The following SBNO2 variants were observed in gnomAD, a reference collection of about 807,000 sequenced individuals.
SBNO2 encodes the protein strawberry notch homolog 2, also known as protein strawberry notch homolog 2.
A neutral mutation model predicts 146.3 loss-of-function variants in SBNO2; 89 were observed. The observed-to-expected ratio is 0.61, with a 90% CI of 0.51 to 0.73. The LOEUF is 0.73. Ranked by LOEUF, SBNO2 falls within the 30% of genes least tolerant of loss-of-function variation. SBNO2 has a pLI of 0.00. For synonymous variants in SBNO2, 1,147 were observed against 892.6 expected, an observed-to-expected ratio of 1.29 and a Z score of -5.08; for missense variants, 2,092 against 2,003.7, an observed-to-expected ratio of 1.04 and a Z score of -0.84.
intron 1 of SBNO2, among the ~76,000 whole-genome samples, chr19:1,156,203 C>T (rs1404253134): frequency 3.9e-5 from 6 of 152,184 alleles, no homozygotes; most frequent in Middle Eastern, 3.2e-3. Context: ...TCCCTCCCTA[C>T]GGTCTCTGAG....
At position 1,109,443 on chromosome 19, in the gene SBNO2, G is replaced by A. The variant is rs781203754; in HGVS notation, c.3217-20C>T. On this transcript the variant is annotated intron_variant, in intron 28 of 31. Transcript: ENST00000361757. This position sits in a 1 kb window ranked among gnomAD's most constrained non-coding sequence, Gnocchi z 4.2. The stretch of plus-strand genomic sequence containing the variant: ...GCGGACCTGCGGAGGGGGGCGTTGA[G>A]GCCGCGCCCCGGTCCGCCCCCCGCG... 198 of 1,563,094 alleles carry A rather than the reference G, an allele frequency of 1.3e-4. No individual in the cohort carries two copies. The highest frequency in any genetic ancestry group is 1.7e-4 in the Non-Finnish European group (194 of 1,155,094).
intron 4 of SBNO2, among the ~76,000 whole-genome samples, chr19:1,146,568 G>A (rs1397546600): frequency 1.3e-5 from 2 of 151,908 alleles, no homozygotes; most frequent in Non-Finnish European, 2.9e-5. Context: ...CCCTGGATGT[G>A]GTCCGGCCCA....
At position 1,112,267 on chromosome 19, in the gene SBNO2, T is replaced by G. The variant is rs770258586; in HGVS notation, c.2550A>C (p.Pro850=). 1.9e-6 allele frequency: 3 copies of G among 1,591,696 alleles called. No homozygotes were observed. The change falls in exon 22 of 32, where the codon CCA becomes CCC. Residue 850 remains proline (P), a synonymous_variant. Coordinates refer to ENST00000361757, the MANE Select transcript of SBNO2 (RefSeq NM_014963.3). This position sits in a 1 kb window ranked among gnomAD's most constrained non-coding sequence, Gnocchi z 5.9. ...GCTCCGAGATGAGGAAGACATACTC[T>G]GGCGCGGAGACCTGGTTGGACCGGT... The part of the protein sequence containing the change: ...RTHRSNQVSA[P]EYVFLISELA...
chr19:1,133,010 G>A (rs2080048682), intron 4 of SBNO2, among the ~76,000 whole-genome samples: 1 of 152,226 alleles, frequency 6.6e-6, no homozygotes, highest in Admixed American at 6.5e-5. Context: ...CCCGCACTGT[G>A]AGGACCCTGG....
rs1019467065 is a variant in SBNO2 at position 1,109,662 on chromosome 19, G to A, written c.3123+21C>T. 3.2e-5 allele frequency: 51 copies of A among 1,605,592 alleles called. No homozygotes were observed. Among genetic ancestry groups the A allele is most frequent in the Non-Finnish European group, 4.3e-5 (51 of 1,176,080 alleles). On this transcript the variant is annotated intron_variant, in intron 27 of 31. Transcript: ENST00000361757. The surrounding 1 kb of genome is among the most constrained non-coding windows in gnomAD (Gnocchi z 4.2). ...GGGCGGGGTGGGCAGAGTGTGAGGG[G>A]CTGTGGGGCTTCCTGCTGACCTTGT...
At chr19:1,138,955 G>A (rs11668506) in intron 4 of SBNO2, among the ~76,000 whole-genome samples, 6,123 of 149,274 alleles carry the variant, frequency 0.041, 198 homozygotes, top group East Asian at 0.16. Context: ...GGTCCATCAC[G>A]GACACATGGA....
intron 4 of SBNO2, among the ~76,000 whole-genome samples, chr19:1,142,195 C>A (rs1371821826): frequency 9.3e-4 from 114 of 122,768 alleles, no homozygotes; most frequent in Non-Finnish European, 1.6e-3. Flanking sequence ...TCAACCCTCA[C>A]TCAATGACCT....
intron 4 of SBNO2, 67 bp downstream of exon 4, chr19:1,147,242 G>T: frequency 9.2e-7 from 1 of 1,085,816 alleles, no homozygotes; most frequent in Non-Finnish European, 1.4e-6. Context: ...AGGTCGCAGG[G>T]CAGCTGGAGG....
chr19:1,170,621 C>T (rs933737404), intron 1 of SBNO2, among the ~76,000 whole-genome samples: 1 of 152,118 alleles, frequency 6.6e-6, no homozygotes, highest in African/African-American at 2.4e-5. Context: ...AAATCACACA[C>T]ACATGCACAC....
rs935916607 is a variant in SBNO2 at position 1,117,365 on chromosome 19, G to A, written c.1662C>T (p.Arg554=). The stretch of plus-strand genomic sequence containing the variant: ...CCTCTCGGGCCAGCTCCACCAGCCG[G>A]CGCACCTTGGCTGCGATGCACAGAT... ...FKYLCIAAKV[R]RLVELAREEL... Residue 554 remains arginine, a synonymous_variant, in exon 15 of 32, where the codon CGC becomes CGT. Coordinates refer to ENST00000361757, the MANE Select transcript of SBNO2 (RefSeq NM_014963.3). 2 of 1,582,710 alleles carry A rather than the reference G, an allele frequency of 1.3e-6. No homozygotes were observed. Among genetic ancestry groups the A allele is most frequent in the African/African-American group, 1.3e-5 (1 of 74,176 alleles).
At chr19:1,170,817 G>A (rs950138540) in intron 1 of SBNO2, among the ~76,000 whole-genome samples, 5 of 151,720 alleles carry the variant, frequency 3.3e-5, no homozygotes, top group South Asian at 2.1e-4. Context: ...CAAAGTACAC[G>A]TTTGCATGAG....
intron 6 of SBNO2, 61 bp downstream of exon 6, chr19:1,123,881 G>C: frequency 6.6e-7 from 1 of 1,518,582 alleles, no homozygotes; most frequent in Middle Eastern, 1.8e-4. Flanking sequence ...CCTGTGCTGA[G>C]CCCTCTCCTT....
intron 2 of SBNO2, among the ~76,000 whole-genome samples, chr19:1,152,015 T>G (rs1395279849): frequency 1.3e-5 from 2 of 151,960 alleles, no homozygotes; most frequent in Non-Finnish European, 2.9e-5. Flanking sequence ...GGCTGGGCTG[T>G]GCGTGTGCGA....
Position 1,157,383 on chromosome 19 carries a change from A to AGCCCCAGAGACGCTCTCCCCACGCG in SBNO2, c.-126-2982_-126-2981insCGCGTGGGGAGAGCGTCTCTGGGGC, listed in dbSNP as rs1285240911. ...CGGCCCCGGAGACCCTCTGCCACGC[A>AGCCCCAGAGACGCTCTCCCCACGCG]GCCCCGGAGACGCTCTCCCCACGCG... On this transcript the variant is annotated intron_variant, in intron 1 of 31. Transcript: ENST00000361757. The surrounding 1 kb of genome is among the most constrained non-coding windows in gnomAD (Gnocchi z 6.8). Among the ~76,000 whole-genome samples the AGCCCCAGAGACGCTCTCCCCACGCG allele has an allele frequency of 1.6e-3, 213 of 134,648 alleles. 1 individual carries two copies. The highest frequency in any genetic ancestry group is 5.4e-3 in the African/African-American group (205 of 37,804). 88.3% of individuals were successfully genotyped at this position (134,648 alleles called of 152,430 possible). A position where few individuals can be genotyped will look rare whatever the true frequency, so the allele number is the denominator to read the frequency against.
intron 1 of SBNO2, among the ~76,000 whole-genome samples, chr19:1,166,174 CCCCAGAT>C (rs1248405024): frequency 1.2e-4 from 4 of 32,172 alleles, no homozygotes; most frequent in African/African-American, 3.6e-4. Context: ...GATCCCCAGA[CCCCAGAT>C]CCCAGACTTC....
chr19:1,162,653 G>A (rs2080360592), intron 1 of SBNO2, among the ~76,000 whole-genome samples: 1 of 152,096 alleles, frequency 6.6e-6, no homozygotes, highest in Non-Finnish European at 1.5e-5. Flanking sequence ...TTGTGAGGTG[G>A]AGCCCAACCT....
At chr19:1,141,229 T>C (rs1163716428) in intron 4 of SBNO2, among the ~76,000 whole-genome samples, 1 of 152,022 alleles carries the variant, frequency 6.6e-6, no homozygotes, top group Non-Finnish European at 1.5e-5. Context: ...AATTTTTTTT[T>C]TTTTAGACAG....
chr19:1,124,879 T>C (rs924374083), intron 5 of SBNO2, among the ~76,000 whole-genome samples: 1 of 151,682 alleles, frequency 6.6e-6, no homozygotes, highest in African/African-American at 2.4e-5. Context: ...TGTGAACGGG[T>C]GGGTCGGGGG....
chr19:1,122,107 C>T, intron 11 of SBNO2, 32 bp downstream of exon 11: 1 of 1,379,094 alleles, frequency 7.3e-7, no homozygotes, highest in Non-Finnish European at 9.4e-7. Context: ...CCTAATCCAG[C>T]CCTCCCCTCC....
Sources: allele counts gnomAD v4.1 joint callset (sites outside exome capture counted in the v4.1 genomes callset), GRCh38; gene constraint gnomAD v4.1.1; non-coding constraint Gnocchi (gnomAD v3.1); transcripts MANE v1.5; gene names NCBI Gene and HGNC (gene_info 2026-07-23, HGNC 2026-07-21).